NPFFR1: variants seen among roughly 807,000 people sequenced by gnomAD.
The protein encoded by NPFFR1 is G-protein coupled receptor 147.
In NPFFR1, 17 loss-of-function variants were observed where a neutral mutation model predicts 12.7. The ratio of observed to expected loss-of-function variants is 1.34; its 90% CI spans 0.92 to 2.01. The LOEUF (loss-of-function observed/expected upper bound fraction) is 2.01, where lower values mean the gene tolerates loss of function less well. NPFFR1 is among the 30% of genes most tolerant of loss of function. The probability of loss-of-function intolerance (pLI) is 0.00; values close to 1 mark genes in which losing one functional copy is unlikely to be tolerated. For synonymous variants in NPFFR1, 296 were observed against 264.5 expected (o/e 1.12, Z -1.16); for missense variants, 604 against 606.5 (o/e 1.00, Z 0.04).
intron 2 of NPFFR1, 137 bp downstream of exon 2, chr10:70,265,940 G>A (rs2136800175): frequency 2.7e-6 from 2 of 727,566 alleles, no homozygotes; most frequent in East Asian, 5.2e-5. Flanking sequence ...AGACTGTCTT[G>A]AGAGTTCGAG....
At chr10:70,278,041 A>G in intron 1 of NPFFR1, 2 of 510,802 alleles carry the variant, frequency 3.9e-6, no homozygotes, top group Non-Finnish European at 3.9e-6. Flanking sequence ...GTCAGCCTCC[A>G]CTTGCTCAAG....
At chr10:70,264,766 C>A (rs879608151) in intron 2 of NPFFR1, among the ~76,000 whole-genome samples, 5 of 152,054 alleles carry the variant, frequency 3.3e-5, no homozygotes, top group African/African-American at 4.8e-5. Context: ...AGCTGGGAGG[C>A]CAGAGGACAG....
intron 1 of NPFFR1, among the ~76,000 whole-genome samples, chr10:70,269,128 G>C (rs996770590): frequency 3.9e-5 from 6 of 152,096 alleles, no homozygotes; most frequent in Admixed American, 2.6e-4. Flanking sequence ...TCTGCTCTCT[G>C]TTCCCTGTAT....
intron 1 of NPFFR1, among the ~76,000 whole-genome samples, chr10:70,273,233 G>A (rs1040015117): frequency 5.9e-5 from 9 of 152,070 alleles, no homozygotes; most frequent in Admixed American, 2.0e-4. Flanking sequence ...GGTTGTTCAG[G>A]CACTGGTATT....
At position 70,260,746 on chromosome 10, in the gene NPFFR1, T is replaced by C; in HGVS notation, c.323-7A>G. 1 of 1,585,710 alleles carries C rather than the reference T, an allele frequency of 6.3e-7. No individual in the cohort carries two copies. The highest frequency in any genetic ancestry group is 8.6e-7 in the Non-Finnish European group (1 of 1,165,842). On this transcript the variant is annotated splice_region_variant and splice_polypyrimidine_tract_variant and intron_variant, in intron 2 of 3. Coordinates refer to ENST00000277942, the MANE Select transcript of NPFFR1 (RefSeq NM_022146.5). ...GCATTGTCGAAGGGCCACCCTGCAA[T>C]GACAGAGGCCCCCACAGAGTGAGAG...
intron 1 of NPFFR1, among the ~76,000 whole-genome samples, chr10:70,272,227 A>AG (rs1355347837): frequency 3.4e-3 from 23 of 6,748 alleles, no homozygotes; most frequent in Non-Finnish European, 6.1e-3. Context: ...AAAGAAAGAA[A>AG]GAAAGAAAGA....
intron 1 of NPFFR1, among the ~76,000 whole-genome samples, chr10:70,272,251 G>GAA (rs11447906): frequency 4.4e-5 from 2 of 45,502 alleles, no homozygotes; most frequent in Non-Finnish European, 9.8e-5. Context: ...AAAGAAGAAA[G>GAA]AAGAAAGAAA....
At chr10:70,275,731 A>G (rs893454937) in intron 1 of NPFFR1, among the ~76,000 whole-genome samples, 6 of 152,306 alleles carry the variant, frequency 3.9e-5, no homozygotes, top group Middle Eastern at 3.4e-3. Context: ...ACTAAAGGCT[A>G]TGAATTCTCC....
rs1369907562 is a variant in NPFFR1 at position 70,283,656 on chromosome 10, C to T, written c.7+14G>A. 1 of 1,535,338 alleles carries T rather than the reference C, an allele frequency of 6.5e-7. No homozygotes were observed. Among genetic ancestry groups the T allele is most frequent in the East Asian group, 2.4e-5 (1 of 40,908 alleles). On this transcript the variant is annotated intron_variant, in intron 1 of 3. Transcript: ENST00000277942. ...CCTGCCCCACGGCTGGCCCCCAGCC[C>T]CAGGACCACTCACCCTCCATGATGC...
At chr10:70,271,783 A>C (rs1016487882) in intron 1 of NPFFR1, among the ~76,000 whole-genome samples, 9 of 152,136 alleles carry the variant, frequency 5.9e-5, no homozygotes, top group Admixed American at 6.5e-5. Flanking sequence ...GGATGTGAGC[A>C]TAATTTTTTA....
rs1368610090 is a variant in NPFFR1 at position 70,266,291 on chromosome 10, A to G, written c.108T>C (p.Tyr36=). ...PATNLTFSSY[Y]QHTSPVAAMF... ...TGGCCGCCACAGGGGAGGTGTGCTG[A>G]TAGTAGGAGGAGAAGGTGAGGTTTG... Residue 36 remains tyrosine (Y), a synonymous_variant, in exon 2 of 4, where the codon TAT becomes TAC. Coordinates refer to ENST00000277942, the MANE Select transcript of NPFFR1 (RefSeq NM_022146.5). The G allele has an allele frequency of 4.3e-6, 7 of 1,613,868 alleles. No individual in the cohort carries two copies. In the Admixed American group the frequency reaches 1.2e-4, roughly 27 times the overall value.
At chr10:70,260,567 A>G in intron 3 of NPFFR1, 73 bp downstream of exon 3, 1 of 1,314,322 alleles carries the variant, frequency 7.6e-7, no homozygotes, top group Non-Finnish European at 1.1e-6. Flanking sequence ...CCAACCCAGC[A>G]TTAGAGGCAG....
At position 70,277,889 on chromosome 10, in the gene NPFFR1, C is replaced by T. The variant is rs61858191; in HGVS notation, c.7+5781G>A. 1,739 of 510,976 alleles carry T rather than the reference C, an allele frequency of 3.4e-3. 5 individuals are homozygous for T. Among genetic ancestry groups the T allele is most frequent in the Non-Finnish European group, 5.4e-3 (1,378 of 255,460 alleles). The allele number at this position is 510,976 out of a possible 1,614,324, so 31.7% of individuals were successfully genotyped here. On this transcript the variant is annotated intron_variant, in intron 1 of 3. Transcript: ENST00000277942. ...TACTGCCCGGCTAACCATAGCAACT[C>T]TGCAGGGGGCTTGGCAGACTGCAGT...
intron 2 of NPFFR1, among the ~76,000 whole-genome samples, chr10:70,263,335 G>A (rs528793278): frequency 1.3e-4 from 20 of 152,202 alleles, no homozygotes; most frequent in South Asian, 8.3e-4. Flanking sequence ...GTGCAGTGGC[G>A]TGATCTCGCT....
chr10:70,268,769 C>T (rs1264174759), intron 1 of NPFFR1, among the ~76,000 whole-genome samples: 1 of 152,194 alleles, frequency 6.6e-6, no homozygotes, highest in Non-Finnish European at 1.5e-5. Flanking sequence ...GGAATTTTCA[C>T]ATCACGTCTG....
At chr10:70,282,345 T>C (rs943318134) in intron 1 of NPFFR1, among the ~76,000 whole-genome samples, 10 of 152,224 alleles carry the variant, frequency 6.6e-5, no homozygotes, top group Non-Finnish European at 1.2e-4. Flanking sequence ...TTTTTGCTCT[T>C]GTCTTTGCCA....
At chr10:70,278,821 G>A (rs550196799) in intron 1 of NPFFR1, among the ~76,000 whole-genome samples, 2 of 152,150 alleles carry the variant, frequency 1.3e-5, no homozygotes, top group South Asian at 2.1e-4. Flanking sequence ...TTAGTAAAAC[G>A]TGCACACTGT....
Position 70,255,130 on chromosome 10 carries a change from C to T in NPFFR1, c.1120G>A (p.Val374Met). Residue 374 changes from valine to methionine, a missense_variant, in exon 4 of 4, where the codon GTG (valine) becomes ATG (methionine). Physicochemically the swap from Val to Met is conservative, Grantham distance 21. Coordinates refer to ENST00000277942, the MANE Select transcript of NPFFR1 (RefSeq NM_022146.5). This position sits in a 1 kb window ranked among gnomAD's most constrained non-coding sequence, Gnocchi z 4.2. ...PGGLLHRRVF[V>M]VVRPSDSGLP... ...CCGGAGTCGCTGGGCCGCACCACCACGAAGACCCGCCTGTGCAGAAGCCCG... is the reference window on the plus strand; with the variant it reads ...CCGGAGTCGCTGGGCCGCACCACCATGAAGACCCGCCTGTGCAGAAGCCCG... 6.6e-7 allele frequency: 1 copy of T among 1,516,108 alleles called. No homozygotes were observed. 93.9% of individuals were successfully genotyped at this position (1,516,108 alleles called of 1,614,324 possible). A position where few individuals can be genotyped will look rare whatever the true frequency, so the allele number is the denominator to read the frequency against.
intron 1 of NPFFR1, among the ~76,000 whole-genome samples, chr10:70,282,916 C>T (rs1204258591): frequency 6.6e-6 from 1 of 152,126 alleles, no homozygotes; most frequent in Non-Finnish European, 1.5e-5. Flanking sequence ...GTCCATAGTT[C>T]ACTCTCCTTT....
Sources: gnomAD v4.1 joint callset for allele counts (sites outside exome capture counted in the v4.1 genomes callset) on GRCh38, gnomAD v4.1.1 for gene constraint, Gnocchi (gnomAD v3.1) non-coding constraint, MANE v1.5 for transcripts, NCBI Gene and HGNC (gene_info 2026-07-23, HGNC 2026-07-21) for gene names.